AHRR: variants seen among roughly 807,000 people sequenced by gnomAD.
The protein encoded by AHRR is aryl hydrocarbon receptor repressor.
In AHRR, 28 loss-of-function variants were observed where a neutral mutation model predicts 44.0. The ratio of observed to expected loss-of-function variants is 0.64; its 90% CI spans 0.47 to 0.87. The LOEUF (loss-of-function observed/expected upper bound fraction) is 0.87. Among genes scored for constraint, AHRR ranks in the 40% least tolerant of loss-of-function variants. AHRR has a pLI of 0.00. For synonymous variants in AHRR, 434 were observed against 407.0 expected, an observed-to-expected ratio of 1.07 and a Z score of -0.80; for missense variants, 990 against 953.9, an observed-to-expected ratio of 1.04 and a Z score of -0.50.
Position 353,836 on chromosome 5 carries a change from A to G in AHRR, c.169A>G (p.Ile57Val). 6.2e-7 allele frequency: 1 copy of G among 1,614,030 alleles called. No individual in the cohort carries two copies. The highest frequency in any genetic ancestry group is 1.3e-5 in the African/African-American group (1 of 75,020). ...LASLLPFPPD[I>V]ISKLDKLSVL... ...CAGCCTGCTGCCGTTCCCGCCTGACATCATCTCCAAGCTGGACAAGCTTTC... is the reference window on the plus strand; with the variant it reads ...CAGCCTGCTGCCGTTCCCGCCTGACGTCATCTCCAAGCTGGACAAGCTTTC... The change falls in exon 3 of 11, where the codon ATC (isoleucine) becomes GTC (valine). Residue 57 changes from isoleucine (I) to valine (V), a missense_variant. Physicochemically the swap from Ile to Val is conservative, Grantham distance 29 (BLOSUM62 3). Coordinates refer to ENST00000684583, the MANE Select transcript of AHRR (RefSeq NM_001377236.1).
chr5:405,417 T>C lies in AHRR; in HGVS notation c.352-7927T>C, dbSNP rs1316952928. On this transcript the variant is annotated intron_variant, in intron 4 of 10. Transcript: ENST00000684583. The surrounding 1 kb of genome is among the most constrained non-coding windows in gnomAD (Gnocchi z 4.5). ...TGCCAAACCGTATAAAGCATTGGCC[T>C]ATTTTGTCACCGTGGAGCAGCCTAT... Among the ~76,000 whole-genome samples, 1 of 152,208 alleles carries C rather than the reference T, an allele frequency of 6.6e-6. No individual in the cohort carries two copies. The highest frequency in any genetic ancestry group is 2.4e-5 in the African/African-American group (1 of 41,454).
At position 326,598 on chromosome 5, in the gene AHRR, C is replaced by A. The variant is rs1257556870; in HGVS notation, c.-11+4779C>A. 6.6e-6 allele frequency among the ~76,000 whole-genome samples: 1 copy of A among 152,116 alleles called. No homozygotes were observed. Among genetic ancestry groups the A allele is most frequent in the Non-Finnish European group, 1.5e-5 (1 of 68,030 alleles). On this transcript the variant is annotated intron_variant, in intron 1 of 10. Transcript: ENST00000684583. The surrounding 1 kb of genome is among the most constrained non-coding windows in gnomAD (Gnocchi z 4.1). ...TGCTTTTACTTCTGTTAGGTGTGTA[C>A]CTAGGAGTGGAGTTACTGGATCATA...
chr5:402,348 G>GATTAGTGTAGATGTGT (rs1735048901), intron 4 of AHRR, among the ~76,000 whole-genome samples: 2 of 151,550 alleles, frequency 1.3e-5, no homozygotes, highest in South Asian at 2.1e-4. Flanking sequence ...CGGGAAGGCA[G>GATTAGTGTAGATGTGT]TCGTTGATGA....
At chr5:353,035 G>A (rs1416332495) in intron 2 of AHRR, among the ~76,000 whole-genome samples, 2 of 152,120 alleles carry the variant, frequency 1.3e-5, no homozygotes, top group Non-Finnish European at 2.9e-5. Context: ...CTCCCTCTCT[G>A]GGCTCTGTGG....
chr5:417,071 A>T (rs1232525641), intron 5 of AHRR, among the ~76,000 whole-genome samples: 1 of 148,294 alleles, frequency 6.7e-6, no homozygotes, highest in African/African-American at 2.5e-5. Context: ...GCAGGGCCCG[A>T]GTCTAGAGAA....
chr5:382,894 T>C (rs935295172), intron 4 of AHRR, among the ~76,000 whole-genome samples: 1 of 152,184 alleles, frequency 6.6e-6, no homozygotes, highest in African/African-American at 2.4e-5. Context: ...TACTCTGTAA[T>C]ATAAGCATTT....
chr5:403,682 A>ATTT lies in AHRR; in HGVS notation c.352-9651_352-9649dup, dbSNP rs70955242. ...AACCACTTTAAATAGTTAAAATGGT[A>ATTT]TTTTTTTTTTTTTACTTTCTCTCAG... On this transcript the variant is annotated intron_variant, in intron 4 of 10. Transcript: ENST00000684583. 6.6e-3 allele frequency: 3,865 copies of ATTT among 581,456 alleles called. 3 individuals carry two copies. Among genetic ancestry groups the ATTT allele is most frequent in the East Asian group, 0.015 (495 of 32,552 alleles). 36.0% of individuals were successfully genotyped at this position (581,456 alleles called of 1,614,324 possible). A position where few individuals can be genotyped will look rare whatever the true frequency, so the allele number is the denominator to read the frequency against.
Position 388,376 on chromosome 5 carries a change from C to T in AHRR, c.351+11660C>T, listed in dbSNP as rs536280783. ...CTCATGGACTCACGCAGCCATCCAT[C>T]GATGGCTATGGGGAGGGTACCTGCC... On this transcript the variant is annotated intron_variant, in intron 4 of 10. Coordinates refer to ENST00000684583, the MANE Select transcript of AHRR (RefSeq NM_001377236.1). The surrounding 1 kb of genome is among the most constrained non-coding windows in gnomAD (Gnocchi z 5.2). Among the ~76,000 whole-genome samples, 3 of 152,336 alleles carry T rather than the reference C, an allele frequency of 2.0e-5. No individual in the cohort carries two copies. Among genetic ancestry groups the T allele is most frequent in the South Asian group, 2.1e-4 (1 of 4,824 alleles).
At chr5:351,239 C>G (rs1278635120) in intron 2 of AHRR, among the ~76,000 whole-genome samples, 1 of 152,202 alleles carries the variant, frequency 6.6e-6, no homozygotes, top group African/African-American at 2.4e-5. Context: ...GACCCAGCAA[C>G]TCTACTGCTA....
At position 435,120 on chromosome 5, in the gene AHRR, G is replaced by C. The variant is rs1736950851; in HGVS notation, c.*286G>C. 1 of 426,692 alleles carries C rather than the reference G, an allele frequency of 2.3e-6. No individual in the cohort carries two copies. Among genetic ancestry groups the C allele is most frequent in the Admixed American group, 4.0e-5 (1 of 25,076 alleles). The allele number at this position is 426,692 out of a possible 1,614,324, so 26.4% of individuals were successfully genotyped here. A position where few individuals can be genotyped will look rare whatever the true frequency, so the allele number is the denominator to read the frequency against. On this transcript the variant is annotated 3_prime_UTR_variant, in exon 11 of 11. Coordinates refer to ENST00000684583, the MANE Select transcript of AHRR (RefSeq NM_001377236.1). ...ATCTTTAGGAAAGTGATCATGGCTG[G>C]ACAGCTTCATGCCCCAGAGGCAGCG...
Position 413,371 on chromosome 5 carries a change from A to T in AHRR, c.379A>T (p.Ser127Cys). ...TCTTAATGGCTTTGCTCTGGTCGTG[A>T]GTGCAGAAGGGACGATATTTTATGC... ...ESLNGFALVVSAEGTIFYASA... is the reference protein window; with the variant it reads ...ESLNGFALVVCAEGTIFYASA... The change falls in exon 5 of 11, where the codon AGT becomes TGT. Residue 127 changes from serine to cysteine, a missense_variant. Physicochemically the swap from Ser to Cys is moderately radical, Grantham distance 112. Transcript: ENST00000684583. 1 of 1,612,700 alleles carries T rather than the reference A, an allele frequency of 6.2e-7. No homozygotes were observed. The highest frequency in any genetic ancestry group is 8.5e-7 in the Non-Finnish European group (1 of 1,179,552).
chr5:434,937 C>T lies in AHRR; in HGVS notation c.*103C>T. 9.1e-6 allele frequency: 13 copies of T among 1,429,380 alleles called. No individual in the cohort carries two copies. In the South Asian group the frequency reaches 1.7e-4, roughly 19 times the overall value. 88.5% of individuals were successfully genotyped at this position (1,429,380 alleles called of 1,614,324 possible). On this transcript the variant is annotated 3_prime_UTR_variant, in exon 11 of 11. Coordinates refer to ENST00000684583, the MANE Select transcript of AHRR (RefSeq NM_001377236.1). ...TCAGGCCGGAGCCCGTCCTAAGACACACGCTTTGCAGAGCTGTGCATGCGC... is the reference window on the plus strand; with the variant it reads ...TCAGGCCGGAGCCCGTCCTAAGACATACGCTTTGCAGAGCTGTGCATGCGC...
At chr5:330,905 G>A (rs556252662) in intron 1 of AHRR, among the ~76,000 whole-genome samples, 13 of 129,490 alleles carry the variant, frequency 1.0e-4, no homozygotes, top group Non-Finnish European at 1.6e-4. Context: ...ACAGAGTCTC[G>A]GTCTGTCACC....
chr5:403,509 G>GTACT (rs1560910274), intron 4 of AHRR, among the ~76,000 whole-genome samples: 5 of 152,016 alleles, frequency 3.3e-5, no homozygotes, highest in Admixed American at 3.3e-4. Context: ...GGTGGCGCAT[G>GTACT]CCTGTAATCC....
intron 7 of AHRR, among the ~76,000 whole-genome samples, chr5:426,676 CGGATGGATGGATAGATGGATGGGT>C (rs1736412411): frequency 8.9e-6 from 1 of 111,916 alleles, no homozygotes; most frequent in South Asian, 3.3e-4. Flanking sequence ...GATGGGTGGA[CGGATGGATGGATAGATGGATGGGT>C]GGATGGATGG....
intron 3 of AHRR, among the ~76,000 whole-genome samples, chr5:362,487 C>T (rs1019007320): frequency 6.6e-6 from 1 of 152,204 alleles, no homozygotes; most frequent in Admixed American, 6.5e-5. Context: ...TCCCTCACCC[C>T]CTTCCTCTCT....
chr5:421,453 T>C (rs10070560), intron 5 of AHRR: 6,875 of 529,432 alleles, frequency 0.013, 196 homozygotes, highest in African/African-American at 0.08. Flanking sequence ...GGCGATGCCC[T>C]GTGGCCTCAT....
At chr5:350,708 A>C (rs1199544571) in intron 2 of AHRR, among the ~76,000 whole-genome samples, 4 of 151,670 alleles carry the variant, frequency 2.6e-5, no homozygotes, top group Non-Finnish European at 5.9e-5. Context: ...GGTCCAGGTC[A>C]TCCCCAATTC....
At chr5:422,980 G>A (rs911018312) in intron 6 of AHRR, 122 bp downstream of exon 6, 4 of 1,330,962 alleles carry the variant, frequency 3.0e-6, no homozygotes, top group Non-Finnish European at 4.0e-6. Context: ...ATTGACCTTA[G>A]CGCCAAATCT....
Sources: allele counts gnomAD v4.1 joint callset (sites outside exome capture counted in the v4.1 genomes callset), GRCh38; gene constraint gnomAD v4.1.1; non-coding constraint Gnocchi (gnomAD v3.1); transcripts MANE v1.5; gene names NCBI Gene and HGNC (gene_info 2026-07-23, HGNC 2026-07-21).